The following DLEC1 variants were observed in gnomAD, a reference collection of about 807,000 sequenced individuals.
DLEC1 encodes deleted in lung and esophageal cancer protein 1.
A neutral mutation model predicts 198.1 loss-of-function variants in DLEC1; 146 were observed. The ratio of observed to expected loss-of-function variants is 0.74; its 90% CI spans 0.64 to 0.85. DLEC1 has a LOEUF of 0.85. DLEC1 is among the 40% of genes least tolerant of loss of function. The probability of loss-of-function intolerance (pLI) is 0.00; values close to 1 mark genes in which losing one functional copy is unlikely to be tolerated. For synonymous variants in DLEC1, 897 were observed against 866.8 expected (o/e 1.03, Z -0.61); for missense variants, 2,233 against 2,220.0 (o/e 1.01, Z -0.12).
In DLEC1 at chr3:38,062,623, C is replaced by G. The variant is rs377653645; in HGVS notation, c.916C>G (p.Arg306Gly). Reference sequence around the variant, plus strand: ...GAATAAAAACTGGATGAACCACTTACGTGTGCCACAGAGAGAGCTAGACAG... The same window carrying G: ...GAATAAAAACTGGATGAACCACTTAGGTGTGCCACAGAGAGAGCTAGACAG... ...PRNKNWMNHL[R>G]VPQRELDRLL... is the part of the protein sequence containing the mutation. Residue 306 changes from arginine (R) to glycine (G), a missense_variant, in exon 5 of 37, where the codon CGT becomes GGT. By Grantham distance (125) the Arg-to-Gly change is moderately radical (BLOSUM62 -2). Coordinates refer to ENST00000308059, the MANE Select transcript of DLEC1 (RefSeq NM_007335.4). The G allele has an allele frequency of 3.7e-6, 6 of 1,614,164 alleles. No homozygotes were observed. Among genetic ancestry groups the G allele is most frequent in the African/African-American group, 1.3e-5 (1 of 75,042 alleles).
At chr3:38,051,525 C>T (rs970016995) in intron 2 of DLEC1, among the ~76,000 whole-genome samples, 5 of 152,362 alleles carry the variant, frequency 3.3e-5, no homozygotes, top group African/African-American at 1.2e-4. Flanking sequence ...TGACGACCAT[C>T]AGTGAGTGAC....
At chr3:38,111,577 G>C (rs1461938379) in intron 23 of DLEC1, 100 bp from the exon 24 acceptor site, 5 of 1,320,376 alleles carry the variant, frequency 3.8e-6, no homozygotes, top group African/African-American at 1.5e-5. Context: ...ACCTTCCTCT[G>C]CTGGGCACCT....
At chr3:38,096,789 A>G in intron 15 of DLEC1, 52 bp downstream of exon 15, 1 of 1,545,236 alleles carries the variant, frequency 6.5e-7, no homozygotes, top group East Asian at 2.3e-5. Context: ...TGTTGACATG[A>G]GTGCAAGTGT....
In DLEC1 at chr3:38,123,242, G is replaced by A; in HGVS notation, c.*830G>A. On this transcript the variant is annotated 3_prime_UTR_variant, in exon 37 of 37. Coordinates refer to ENST00000308059, the MANE Select transcript of DLEC1 (RefSeq NM_007335.4). ...GCAAAACCATCAGACCAGATCTGTG[G>A]GCAAGCGGTACCCTGGCCTCCCACT... The A allele has an allele frequency of 1.1e-6, 1 of 923,840 alleles. No homozygotes were observed. Among genetic ancestry groups the A allele is most frequent in the Middle Eastern group, 2.1e-4 (1 of 4,670 alleles). 57.2% of individuals were successfully genotyped at this position (923,840 alleles called of 1,614,324 possible).
rs1488825256 is a variant in DLEC1 at position 38,112,684 on chromosome 3, G to C, written c.3666+323G>C. Reference sequence around the variant, plus strand: ...GGGCCAGGACCCAAGACTTGGAGTAGGGAGTGTGGAGTGGAGGGACAGTAG... The same window carrying C: ...GGGCCAGGACCCAAGACTTGGAGTACGGAGTGTGGAGTGGAGGGACAGTAG... On this transcript the variant is annotated intron_variant, in intron 25 of 36. Transcript: ENST00000308059. This position sits in a 1 kb window ranked among gnomAD's most constrained non-coding sequence, Gnocchi z 4.8. Among the ~76,000 whole-genome samples the C allele has an allele frequency of 1.3e-5, 2 of 152,226 alleles. No homozygotes were observed. Among genetic ancestry groups the C allele is most frequent in the Admixed American group, 6.5e-5 (1 of 15,282 alleles).
intron 28 of DLEC1, 38 bp downstream of exon 28, chr3:38,116,696 G>A (rs771186922): frequency 5.0e-6 from 8 of 1,610,894 alleles, no homozygotes; most frequent in Non-Finnish European, 6.8e-6. Flanking sequence ...GCTGGCCACT[G>A]AGGGCCACTG....
chr3:38,041,167 A>C (rs1700634782), intron 1 of DLEC1, among the ~76,000 whole-genome samples: 1 of 151,938 alleles, frequency 6.6e-6, no homozygotes, highest in South Asian at 2.1e-4. Flanking sequence ...ACACCTGGCT[A>C]ATTTTTTTGT....
intron 10 of DLEC1, among the ~76,000 whole-genome samples, chr3:38,092,001 G>GTA (rs1698766707): frequency 6.6e-6 from 1 of 152,172 alleles, no homozygotes; most frequent in Non-Finnish European, 1.5e-5. Flanking sequence ...CTACTACTAG[G>GTA]TATATATACA....
At position 38,084,203 on chromosome 3, in the gene DLEC1, C is replaced by A. The variant is rs377205155; in HGVS notation, c.1219C>A (p.Arg407=). 1 of 1,612,944 alleles carries A rather than the reference C, an allele frequency of 6.2e-7. No individual in the cohort carries two copies. The highest frequency in any genetic ancestry group is 8.5e-7 in the Non-Finnish European group (1 of 1,179,358). ...CACCACCACGACCAGCCGCTACCTG[C>A]GAGTCCTCCCGCCTTCCACGCCATA... is the stretch of plus-strand genomic sequence containing the variant. ...QNTTTTSRYL[R]VLPPSTPYFA... Residue 407 remains arginine, a synonymous_variant, in exon 7 of 37, where the codon CGA becomes AGA. Transcript: ENST00000308059.
In DLEC1 at chr3:38,097,574, C is replaced by T. The variant is rs971853006; in HGVS notation, c.2502C>T (p.Asp834=). ...GTGTCCCTGGCCCCACAAGCCAGGA[C>T]CTGCTGTGTGAAATCGAAGACTCGC... ...TGGVPGPTSQ[D]LLCEIEDSPS... The change falls in exon 17 of 37, where the codon GAC becomes GAT. Residue 834 remains aspartate (D), a synonymous_variant. Transcript: ENST00000308059. 1.7e-5 allele frequency: 28 copies of T among 1,614,204 alleles called. No homozygotes were observed. Among genetic ancestry groups the T allele is most frequent in the Non-Finnish European group, 2.3e-5 (27 of 1,180,040 alleles).
In DLEC1 at chr3:38,120,513, A is replaced by G. The variant is rs1700392623; in HGVS notation, c.4770A>G (p.Thr1590=). 1 of 1,614,228 alleles carries G rather than the reference A, an allele frequency of 6.2e-7. No homozygotes were observed. Among genetic ancestry groups the G allele is most frequent in the Non-Finnish European group, 8.5e-7 (1 of 1,180,026 alleles). The change falls in exon 34 of 37, where the codon ACA becomes ACG. Residue 1590 remains threonine (T), a synonymous_variant. Coordinates refer to ENST00000308059, the MANE Select transcript of DLEC1 (RefSeq NM_007335.4). ...LSYQKLPADQ[T]LPGVDIQQSA... is the part of the protein sequence containing the mutation. Reference sequence around the variant, plus strand: ...ATCAGAAGCTCCCAGCTGACCAGACACTGCCTGGGGTGGACATTCAGCAGA... The same window carrying G: ...ATCAGAAGCTCCCAGCTGACCAGACGCTGCCTGGGGTGGACATTCAGCAGA...
chr3:38,085,187 G>T, intron 7 of DLEC1, 87 bp from the exon 8 acceptor site: 1 of 1,423,510 alleles, frequency 7.0e-7, no homozygotes, highest in Non-Finnish European at 9.8e-7. Context: ...GCCAGCCCTG[G>T]CAGGGCTGGG....
Position 38,115,019 on chromosome 3 carries a change from C to G in DLEC1, c.3822C>G (p.Thr1274=). The G allele has an allele frequency of 3.1e-6, 5 of 1,614,034 alleles. No homozygotes were observed. Among genetic ancestry groups the G allele is most frequent in the Non-Finnish European group, 4.2e-6 (5 of 1,179,950 alleles). The change falls in exon 27 of 37, where the codon ACC becomes ACG. Residue 1274 remains threonine, a synonymous_variant. Transcript: ENST00000308059. ...AGGTCTCCGGAGGAGACACAGTTAC[C>G]CGAACCCTTCGCCTGAATAACTCCA... ...GTQVSGGDTV[T]RTLRLNNSSP...
Position 38,062,874 on chromosome 3 carries a change from G to A in DLEC1, c.1094+73G>A. On this transcript the variant is annotated intron_variant, in intron 5 of 36. Transcript: ENST00000308059. ...GTTAACCTAGATGGTCCTCCGTTTG[G>A]TCTGGCTGTAGAGGTCCCTAGACTT... The A allele has an allele frequency of 4.0e-6, 6 of 1,517,158 alleles. No individual in the cohort carries two copies. The South Asian group carries it at 5.9e-5, about 15-fold the overall frequency. 94.0% of individuals were successfully genotyped at this position (1,517,158 alleles called of 1,614,324 possible). A position where few individuals can be genotyped will look rare whatever the true frequency, so the allele number is the denominator to read the frequency against.
intron 12 of DLEC1, among the ~76,000 whole-genome samples, chr3:38,094,215 A>T (rs1285002469): frequency 6.6e-6 from 1 of 152,120 alleles, no homozygotes; most frequent in Non-Finnish European, 1.5e-5. Context: ...TGTGGGTTTC[A>T]TTCTCCTTGC....
chr3:38,079,920 T>C (rs1026952063), intron 6 of DLEC1, among the ~76,000 whole-genome samples: 4 of 152,192 alleles, frequency 2.6e-5, no homozygotes, highest in Non-Finnish European at 4.4e-5. Flanking sequence ...TTGTGGGGTT[T>C]GAGGGCTGGA....
intron 5 of DLEC1, among the ~76,000 whole-genome samples, chr3:38,063,504 G>GAAAGA (rs1299040235): frequency 6.6e-6 from 1 of 151,934 alleles, no homozygotes; most frequent in African/African-American, 2.4e-5. Context: ...GGAGAAAAGA[G>GAAAGA]AAAGAAAAGA....
At chr3:38,045,779 CT>C in intron 2 of DLEC1, 86 bp downstream of exon 2, 1 of 1,372,354 alleles carries the variant, frequency 7.3e-7, no homozygotes, top group Non-Finnish European at 9.8e-7. Context: ...ACTCTCTAGG[CT>C]TTTTCTGGAT....
rs746750302 is a variant in DLEC1, at chr3:38,097,765, G to A, written c.2587G>A (p.Val863Ile). The A allele has an allele frequency of 2.2e-5, 36 of 1,613,976 alleles. No homozygotes were observed. The highest frequency in any genetic ancestry group is 9.9e-5 in the South Asian group (9 of 91,088). The change falls in exon 18 of 37, where the codon GTC becomes ATC. Residue 863 changes from valine (V) to isoleucine (I), a missense_variant. By Grantham distance (29) the Val-to-Ile change is conservative. Transcript: ENST00000308059. ...VFKGPALIIN[V>I]SALQFGLLRL... is the part of the protein sequence containing the mutation. ...TCAGGGGCCTGCCCTCATCATCAAC[G>A]TCTCAGCCCTTCAGTTTGGTCTGCT...
Sources: gnomAD v4.1 joint callset for allele counts (sites outside exome capture counted in the v4.1 genomes callset) on GRCh38, gnomAD v4.1.1 for gene constraint, Gnocchi (gnomAD v3.1) non-coding constraint, MANE v1.5 for transcripts, NCBI Gene and HGNC (gene_info 2026-07-23, HGNC 2026-07-21) for gene names.